LRBA: variants seen among roughly 807,000 people sequenced by gnomAD.
LRBA encodes the protein lipopolysaccharide-responsive and beige-like anchor protein.
In LRBA, 176 loss-of-function variants were observed where a neutral mutation model predicts 330.0. The ratio of observed to expected loss-of-function variants is 0.53; its 90% confidence interval spans 0.47 to 0.60. The LOEUF (loss-of-function observed/expected upper bound fraction) is 0.60. Among genes scored for constraint, LRBA ranks in the 20% least tolerant of loss-of-function variants. LRBA has a pLI of 0.00. For missense variants in LRBA, 3,259 were observed against 3,444.8 expected, an observed-to-expected ratio of 0.95 and a Z score of 1.35; for synonymous variants, 1,230 against 1,193.0, an observed-to-expected ratio of 1.03 and a Z score of -0.64.
At chr4:150,456,192 A>C (rs1464755001) in intron 44 of LRBA, among the ~76,000 whole-genome samples, 2 of 152,140 alleles carry the variant, frequency 1.3e-5, no homozygotes, top group Non-Finnish European at 2.9e-5. Context: ...TACACCTAGA[A>C]GTGGAATTGT....
chr4:150,973,670 GCCAGTTAGGC>G (rs1410513189), intron 2 of LRBA, among the ~76,000 whole-genome samples: 1 of 152,094 alleles, frequency 6.6e-6, no homozygotes, highest in Non-Finnish European at 1.5e-5. Flanking sequence ...GTGGATTTTT[GCCAGTTAGGC>G]TATTGATTCT....
chr4:150,890,711 C>T (rs549272851), intron 17 of LRBA, among the ~76,000 whole-genome samples: 53 of 152,192 alleles, frequency 3.5e-4, no homozygotes, highest in African/African-American at 1.2e-3. Flanking sequence ...TAAAAAATTA[C>T]AAAATGTGAA....
chr4:150,443,495 C>A (rs1431950554), intron 44 of LRBA, among the ~76,000 whole-genome samples: 1 of 152,144 alleles, frequency 6.6e-6, no homozygotes, highest in African/African-American at 2.4e-5. Flanking sequence ...GGCATATATA[C>A]ACCATGGAAT....
intron 42 of LRBA, among the ~76,000 whole-genome samples, chr4:150,479,418 A>G (rs1050490683): frequency 2.6e-5 from 4 of 152,202 alleles, no homozygotes; most frequent in Non-Finnish European, 5.9e-5. Flanking sequence ...CTTAACTAAT[A>G]TAAGGAAATC....
chr4:150,532,551 TA>T (rs953745119), intron 40 of LRBA, among the ~76,000 whole-genome samples: 20 of 151,218 alleles, frequency 1.3e-4, no homozygotes, highest in African/African-American at 3.6e-4. Context: ...CATTTATCTT[TA>T]AAAAAAAATA....
intron 36 of LRBA, among the ~76,000 whole-genome samples, chr4:150,732,263 C>T (rs1443040129): frequency 2.0e-5 from 3 of 151,866 alleles, no homozygotes; most frequent in African/African-American, 7.2e-5. Flanking sequence ...TCTTTAAATA[C>T]TATTATTTTT....
At chr4:150,406,540 C>T (rs1746216096) in intron 47 of LRBA, among the ~76,000 whole-genome samples, 1 of 152,126 alleles carries the variant, frequency 6.6e-6, no homozygotes, top group African/African-American at 2.4e-5. Flanking sequence ...CATAAGAGAA[C>T]TGACGTGGCT....
intron 44 of LRBA, among the ~76,000 whole-genome samples, chr4:150,448,534 GCTCACA>G (rs1372834718): frequency 1.3e-5 from 2 of 152,156 alleles, no homozygotes; most frequent in East Asian, 1.9e-4. Context: ...GGGCGTGGCG[GCTCACA>G]CCTGTAATCC....
At position 150,697,325 on chromosome 4, in the gene LRBA, G is replaced by GAAA. The variant is rs60145657; in HGVS notation, c.5755-13611_5755-13609dup. On this transcript the variant is annotated intron_variant, in intron 36 of 56. Coordinates refer to ENST00000651943, the MANE Select transcript of LRBA (RefSeq NM_001364905.1). ...GGTGACAGAGTGAGACTTTGTCTCAGAAAAAAAAAAAAAAAAAAAAAAAAA... is the reference window on the plus strand; with the variant it reads ...GGTGACAGAGTGAGACTTTGTCTCAGAAAAAAAAAAAAAAAAAAAAAAAAAAAA... Among the ~76,000 whole-genome samples, 12 of 28,054 alleles carry GAAA rather than the reference G, an allele frequency of 4.3e-4. 2 individuals are homozygous for GAAA. Among genetic ancestry groups the GAAA allele is most frequent in the African/African-American group, 7.9e-4 (6 of 7,602 alleles). 18.4% of individuals were successfully genotyped at this position (28,054 alleles called of 152,430 possible).
intron 40 of LRBA, among the ~76,000 whole-genome samples, chr4:150,508,245 G>GGA (rs1761384857): frequency 7.3e-6 from 1 of 137,620 alleles, no homozygotes; most frequent in Admixed American, 7.5e-5. Flanking sequence ...AAAAAAGGGG[G>GGA]GGGGGGGGAG....
At chr4:150,560,840 G>A (rs1015207475) in intron 40 of LRBA, among the ~76,000 whole-genome samples, 1 of 152,062 alleles carries the variant, frequency 6.6e-6, no homozygotes, top group African/African-American at 2.4e-5. Flanking sequence ...TACAAAATTA[G>A]TCGGGCATGG....
chr4:150,837,180 T>C (rs1225900515), intron 28 of LRBA, among the ~76,000 whole-genome samples: 1 of 152,210 alleles, frequency 6.6e-6, no homozygotes, highest in Non-Finnish European at 1.5e-5. Flanking sequence ...TAATTTCTGT[T>C]CTTTTACATT....
intron 5 of LRBA, among the ~76,000 whole-genome samples, chr4:150,920,150 C>T (rs1579205397): frequency 6.6e-6 from 1 of 152,150 alleles, no homozygotes; most frequent in Non-Finnish European, 1.5e-5. Context: ...TCTGCAGATA[C>T]TGCCAGGCTA....
chr4:150,483,123 T>C (rs188931964), intron 42 of LRBA, among the ~76,000 whole-genome samples: 2 of 152,202 alleles, frequency 1.3e-5, no homozygotes, highest in Admixed American at 1.3e-4. Flanking sequence ...GCACTTACGT[T>C]TGTCTACACT....
chr4:150,851,828 C>A, intron 23 of LRBA, 57 bp downstream of exon 23: 1 of 1,465,344 alleles, frequency 6.8e-7, no homozygotes, highest in Admixed American at 2.6e-5. Flanking sequence ...AGTATATACA[C>A]TTGCTCTTTT....
chr4:150,573,743 A>G (rs987694000), intron 40 of LRBA, among the ~76,000 whole-genome samples: 3 of 152,228 alleles, frequency 2.0e-5, no homozygotes, highest in African/African-American at 7.2e-5. Context: ...AACATCTGTA[A>G]AATAAAAGAT....
At position 150,489,033 on chromosome 4, in the gene LRBA, T is replaced by C. The variant is rs1253412022; in HGVS notation, c.6449-1199A>G. On this transcript the variant is annotated intron_variant, in intron 41 of 56. Coordinates refer to ENST00000651943, the MANE Select transcript of LRBA (RefSeq NM_001364905.1). ...AATATATTATATATAAGAATATATA[T>C]TATATATAATATATTATATATAAGA... 9.9e-5 allele frequency among the ~76,000 whole-genome samples: 11 copies of C among 111,534 alleles called. No individual in the cohort carries two copies. The East Asian group carries it at 2.4e-3, about 25-fold the overall frequency. 73.2% of individuals were successfully genotyped at this position (111,534 alleles called of 152,430 possible). A position where few individuals can be genotyped will look rare whatever the true frequency, so the allele number is the denominator to read the frequency against.
At chr4:150,445,316 T>TAATA (rs1453402456) in intron 44 of LRBA, among the ~76,000 whole-genome samples, 4 of 147,154 alleles carry the variant, frequency 2.7e-5, no homozygotes, top group Non-Finnish European at 5.9e-5. Flanking sequence ...CATCTGAATA[T>TAATA]AATAAAACTG....
intron 48 of LRBA, among the ~76,000 whole-genome samples, chr4:150,331,515 A>G (rs1734000006): frequency 3.3e-5 from 5 of 152,330 alleles, no homozygotes; most frequent in Admixed American, 3.3e-4. Flanking sequence ...ATAATTATTA[A>G]GACATTTTGG....
Sources: gnomAD v4.1 joint callset for allele counts (sites outside exome capture counted in the v4.1 genomes callset) on GRCh38, gnomAD v4.1.1 for gene constraint, MANE v1.5 for transcripts, NCBI Gene and HGNC (gene_info 2026-07-23, HGNC 2026-07-21) for gene names.